The following GRIK2 variants were observed in gnomAD, a reference collection of about 807,000 sequenced individuals.
GRIK2 encodes the protein glutamate receptor ionotropic, kainate 2.
Under a neutral mutation model 100.3 loss-of-function variants are expected in GRIK2, and 32 were observed. The observed-to-expected ratio is 0.32, with a 90% CI of 0.24 to 0.43. The LOEUF (loss-of-function observed/expected upper bound fraction) is 0.43, where lower values mean the gene tolerates loss of function less well. Among genes scored for constraint, GRIK2 ranks in the 20% least tolerant of loss-of-function variants. The pLI is 1.00. For synonymous variants in GRIK2, 417 were observed against 389.4 expected (o/e 1.07, Z -0.83); for missense variants, 843 against 1,114.9 (o/e 0.76, Z 3.47).
intron 2 of GRIK2, among the ~76,000 whole-genome samples, chr6:101,538,493 T>C (rs1256043457): frequency 6.6e-6 from 1 of 151,740 alleles, no homozygotes; most frequent in Non-Finnish European, 1.5e-5. Flanking sequence ...CTTGACTTTC[T>C]TATACATAGT....
intron 2 of GRIK2, among the ~76,000 whole-genome samples, chr6:101,541,374 AACCACAC>A (rs1429670158): frequency 9.4e-4 from 2 of 2,120 alleles, no homozygotes; most frequent in Non-Finnish European, 1.3e-3. Flanking sequence ...CAGCGCACAC[AACCACAC>A]ACACACACAC....
chr6:101,669,256 A>G (rs1265159233), intron 4 of GRIK2, among the ~76,000 whole-genome samples: 4 of 152,186 alleles, frequency 2.6e-5, no homozygotes, highest in Admixed American at 1.3e-4. Context: ...TAATTTAACA[A>G]TTTAAATAGG....
chr6:101,859,033 TA>T (rs1784594592), intron 10 of GRIK2, among the ~76,000 whole-genome samples: 1 of 152,036 alleles, frequency 6.6e-6, no homozygotes, highest in African/African-American at 2.4e-5. Flanking sequence ...AGATATAAGA[TA>T]TACCATATTT....
At chr6:101,623,021 T>C (rs888303275) in intron 3 of GRIK2, among the ~76,000 whole-genome samples, 1 of 152,060 alleles carries the variant, frequency 6.6e-6, no homozygotes, top group African/African-American at 2.4e-5. Flanking sequence ...ATAAAGATTT[T>C]TCTCAAAGGA....
chr6:102,035,697 T>C (rs532465253), intron 15 of GRIK2, 131 bp downstream of exon 15: 2 of 592,872 alleles, frequency 3.4e-6, no homozygotes, highest in South Asian at 2.3e-5. Context: ...ACCTCTCTGA[T>C]TGTATAAAAG....
At chr6:101,963,700 T>C (rs1792478000) in intron 14 of GRIK2, among the ~76,000 whole-genome samples, 1 of 151,902 alleles carries the variant, frequency 6.6e-6, no homozygotes, top group South Asian at 2.1e-4. Context: ...CTATTTCCTC[T>C]TATCCATTTT....
Position 101,447,924 on chromosome 6 carries a change from C to A in GRIK2, c.115+48532C>A, listed in dbSNP as rs532619338. Among the ~76,000 whole-genome samples the A allele has an allele frequency of 4.0e-5, 6 of 151,690 alleles. No homozygotes were observed. The East Asian group carries it at 1.2e-3, about 29-fold the overall frequency. On this transcript the variant is annotated intron_variant, in intron 2 of 16. Transcript: ENST00000369134. ...CCTTCCCTGATTCTCTTGTCATTGT[C>A]CCAATTACAAATGTACTTCTTAGAA... is the stretch of plus-strand genomic sequence containing the variant.
rs975290794 is a variant in GRIK2, at chr6:101,766,194, T to C, written c.952-33454T>C. The stretch of plus-strand genomic sequence containing the variant: ...TTTATGCACTTATTCCACTTATGTT[T>C]ATAATAACTATTCGGTATGTTTGGG... On this transcript the variant is annotated intron_variant, in intron 7 of 16. Coordinates refer to ENST00000369134, the MANE Select transcript of GRIK2 (RefSeq NM_021956.5). 2.6e-5 allele frequency among the ~76,000 whole-genome samples: 4 copies of C among 152,170 alleles called. No homozygotes were observed. The East Asian group carries it at 7.7e-4, about 29-fold the overall frequency.
At chr6:101,608,491 C>T (rs950018476) in intron 2 of GRIK2, among the ~76,000 whole-genome samples, 8 of 151,780 alleles carry the variant, frequency 5.3e-5, no homozygotes, top group Admixed American at 3.3e-4. Context: ...ATTTGCCTTT[C>T]TTACTAATAG....
At chr6:101,516,938 G>A (rs1774616933) in intron 2 of GRIK2, among the ~76,000 whole-genome samples, 1 of 152,028 alleles carries the variant, frequency 6.6e-6, no homozygotes, top group South Asian at 2.1e-4. Context: ...ATAATTAACA[G>A]TATGTATTTT....
intron 2 of GRIK2, among the ~76,000 whole-genome samples, chr6:101,609,099 C>T (rs1486125737): frequency 6.6e-6 from 1 of 151,658 alleles, no homozygotes; most frequent in African/African-American, 2.4e-5. Context: ...CATGCAAACT[C>T]ATATATGTAC....
intron 2 of GRIK2, among the ~76,000 whole-genome samples, chr6:101,594,942 A>G (rs1778840062): frequency 6.6e-6 from 1 of 151,710 alleles, no homozygotes. Flanking sequence ...TTTTAGACAA[A>G]TAAGCATGTG....
In GRIK2 at chr6:102,068,462, T is replaced by A; in HGVS notation, c.2678T>A (p.Met893Lys). 6.2e-7 allele frequency: 1 copy of A among 1,612,034 alleles called. No homozygotes were observed. The highest frequency in any genetic ancestry group is 8.5e-7 in the Non-Finnish European group (1 of 1,178,662). ...GTGAAAACAGAAGAAGTTATCAACA[T>A]GCACACATTTAACGACAGAAGGTTG... ...VIVKTEEVIN[M>K]HTFNDRRLPG... The change falls in exon 17 of 17, where the codon ATG becomes AAG. Residue 893 changes from methionine (M) to lysine (K), a missense_variant. Around this residue, in one of 3 missense-constraint regions of GRIK2, gnomAD observed 87 missense variants for 83.2 expected, o/e 1.05. Coordinates refer to ENST00000369134, the MANE Select transcript of GRIK2 (RefSeq NM_021956.5).
intron 2 of GRIK2, among the ~76,000 whole-genome samples, chr6:101,473,452 T>C (rs1238051769): frequency 2.0e-5 from 3 of 151,892 alleles, no homozygotes; most frequent in African/African-American, 2.4e-5. Flanking sequence ...ATATAAATAA[T>C]AGTCATGTAA....
chr6:101,814,987 A>G lies in GRIK2; in HGVS notation c.1204-3383A>G, dbSNP rs550377810. ...AATACTTTTTCATTTAATCTTCACTATAGTTTATGAAGTAGATACTATTAT... is the reference window on the plus strand; with the variant it reads ...AATACTTTTTCATTTAATCTTCACTGTAGTTTATGAAGTAGATACTATTAT... On this transcript the variant is annotated intron_variant, in intron 9 of 16. Coordinates refer to ENST00000369134, the MANE Select transcript of GRIK2 (RefSeq NM_021956.5). 2.0e-5 allele frequency among the ~76,000 whole-genome samples: 3 copies of G among 152,322 alleles called. No homozygotes were observed. The East Asian group carries it at 5.8e-4, about 29-fold the overall frequency.
At chr6:101,791,462 T>G (rs1253698063) in intron 7 of GRIK2, among the ~76,000 whole-genome samples, 1 of 152,210 alleles carries the variant, frequency 6.6e-6, no homozygotes, top group Non-Finnish European at 1.5e-5. Context: ...CATTTCGTTA[T>G]GTACCCAGTA....
At chr6:101,610,777 A>T (rs867043803) in intron 2 of GRIK2, among the ~76,000 whole-genome samples, 65 of 151,692 alleles carry the variant, frequency 4.3e-4, no homozygotes, top group African/African-American at 1.4e-3. Flanking sequence ...CATTTGGTTG[A>T]CCTATTTTCT....
intron 10 of GRIK2, among the ~76,000 whole-genome samples, chr6:101,849,058 A>C (rs775842826): frequency 2.0e-5 from 3 of 151,574 alleles, no homozygotes; most frequent in Non-Finnish European, 4.4e-5. Context: ...AAATAAAAAT[A>C]ATATTAAACA....
chr6:101,464,610 G>T lies in GRIK2; in HGVS notation c.115+65218G>T, dbSNP rs1344615084. 3.0e-5 allele frequency among the ~76,000 whole-genome samples: 4 copies of T among 133,366 alleles called. No homozygotes were observed. The East Asian group carries it at 1.0e-3, about 35-fold the overall frequency. 87.5% of individuals were successfully genotyped at this position (133,366 alleles called of 152,430 possible). On this transcript the variant is annotated intron_variant, in intron 2 of 16. Transcript: ENST00000369134. ...CGGCTCGCTGCAAGCTCCGCCTCTC[G>T]GGTTCACGCCATTCTCCCGCCTCAG...
Sources: gnomAD v4.1 joint callset for allele counts (sites outside exome capture counted in the v4.1 genomes callset) on GRCh38, gnomAD v4.1.1 for gene constraint, gnomAD v4.1.1 regional missense constraint, MANE v1.5 for transcripts, NCBI Gene and HGNC (gene_info 2026-07-23, HGNC 2026-07-21) for gene names.